The following INSC variants were observed in gnomAD, a reference collection of about 807,000 sequenced individuals.
The protein encoded by INSC is INSC spindle orientation adaptor protein, also known as protein inscuteable homolog.
A neutral mutation model predicts 58.6 loss-of-function variants in INSC; 67 were observed. That is an observed-to-expected ratio of 1.14 (90% CI 0.94 to 1.40). The LOEUF is 1.40. INSC is among the 40% of genes most tolerant of loss of function. The pLI is 0.00. For synonymous variants in INSC, 262 were observed against 276.1 expected (o/e 0.95, Z 0.51); for missense variants, 714 against 692.0 (o/e 1.03, Z -0.36).
intron 11 of INSC, 101 bp from the exon 12 acceptor site, chr11:15,240,346 C>T (rs1252689967): frequency 1.7e-5 from 17 of 1,011,654 alleles, no homozygotes; most frequent in Non-Finnish European, 2.6e-5. Flanking sequence ...GTTCAGTCCC[C>T]TTCTCTGGCA....
At chr11:15,217,950 C>T (rs535572481) in intron 7 of INSC, among the ~76,000 whole-genome samples, 192 of 152,224 alleles carry the variant, frequency 1.3e-3, no homozygotes, top group African/African-American at 4.2e-3. Context: ...AAAGTTACTA[C>T]TATCATGTCG....
chr11:15,201,033 T>A (rs975827733), intron 7 of INSC, 84 bp downstream of exon 7: 12 of 1,485,714 alleles, frequency 8.1e-6, no homozygotes, highest in African/African-American at 2.8e-5. Flanking sequence ...CATCTGTTCC[T>A]TTTCATGGAC....
At chr11:15,201,320 G>A (rs1490404672) in intron 7 of INSC, among the ~76,000 whole-genome samples, 1 of 152,260 alleles carries the variant, frequency 6.6e-6, no homozygotes, top group East Asian at 1.9e-4. Context: ...AGACGGAAGA[G>A]GATCCAGATC....
chr11:15,149,096 G>T, intron 1 of INSC, 34 bp from the exon 2 acceptor site: 1 of 1,546,250 alleles, frequency 6.5e-7, no homozygotes. Flanking sequence ...CCTCTTTTAG[G>T]ATCTCGTTGT....
At position 15,163,219 on chromosome 11, in the gene INSC, T is replaced by G. The variant is rs115587384; in HGVS notation, c.57-12522T>G. ...CTCTACTTTTTCTGATATAAAGTATTGCTCTCAGAATCTGATGATAGTGGA... is the reference window on the plus strand; with the variant it reads ...CTCTACTTTTTCTGATATAAAGTATGGCTCTCAGAATCTGATGATAGTGGA... On this transcript the variant is annotated intron_variant, in intron 2 of 12. Coordinates refer to ENST00000379556, the MANE Select transcript of INSC (RefSeq NM_001042536.3). Among the ~76,000 whole-genome samples the G allele has an allele frequency of 2.6e-3, 389 of 152,330 alleles. 2 individuals carry two copies. The highest frequency in any genetic ancestry group is 9.0e-3 in the African/African-American group (376 of 41,570).
intron 6 of INSC, among the ~76,000 whole-genome samples, chr11:15,193,603 C>T (rs573640055): frequency 7.9e-5 from 12 of 152,268 alleles, no homozygotes; most frequent in East Asian, 1.9e-4. Context: ...TCATCCATGT[C>T]GCTACAAAGG....
At chr11:15,225,061 C>T (rs571666310) in intron 8 of INSC, among the ~76,000 whole-genome samples, 1 of 152,188 alleles carries the variant, frequency 6.6e-6, no homozygotes, top group Non-Finnish European at 1.5e-5. Flanking sequence ...GGACTGAGAG[C>T]TCCTTCCGGA....
chr11:15,112,407 A>G, upstream of INSC: 1 of 1,382,306 alleles, frequency 7.2e-7, no homozygotes, highest in Non-Finnish European at 9.9e-7. Flanking sequence ...GGCAAAGGGA[A>G]AGAAGCTGTT....
the INSC span, among the ~76,000 whole-genome samples, chr11:15,256,054 G>A: frequency 6.6e-6 from 1 of 152,164 alleles, no homozygotes; most frequent in African/African-American, 2.4e-5. Context: ...TCACTTTGGT[G>A]CAAGCCATGA....
intron 5 of INSC, among the ~76,000 whole-genome samples, chr11:15,179,303 A>T (rs1849680810): frequency 6.6e-6 from 1 of 152,238 alleles, no homozygotes; most frequent in African/African-American, 2.4e-5. Flanking sequence ...AGTAAAGCAG[A>T]TTCCATAAGG....
In INSC at chr11:15,225,707, C is replaced by T. The variant is rs368477999; in HGVS notation, c.1049C>T (p.Ala350Val). ...TTCCTACTGGCCTCTGCGGCCCTTG[C>T]CAACATCACGTTCTTTGACACAATG... ...EVFLLASAAL[A>V]NITFFDTMAC... is the part of the protein sequence containing the mutation. Residue 350 changes from alanine (A) to valine (V), a missense_variant, in exon 9 of 13, where the codon GCC (alanine) becomes GTC (valine). Physicochemically the swap from Ala to Val is moderately conservative, Grantham distance 64. Coordinates refer to ENST00000379556, the MANE Select transcript of INSC (RefSeq NM_001042536.3). The T allele has an allele frequency of 9.7e-5, 156 of 1,614,130 alleles. 2 individuals are homozygous for T. The South Asian group carries it at 1.5e-3, about 16-fold the overall frequency.
intron 7 of INSC, among the ~76,000 whole-genome samples, chr11:15,202,968 A>T (rs1850652106): frequency 6.6e-6 from 1 of 152,218 alleles, no homozygotes; most frequent in South Asian, 2.1e-4. Context: ...GGAGAAAGAG[A>T]TGCTCGTAGT....
intron 4 of INSC, among the ~76,000 whole-genome samples, chr11:15,177,556 CT>C (rs1849615811): frequency 3.3e-5 from 5 of 152,314 alleles, no homozygotes; most frequent in Admixed American, 2.6e-4. Flanking sequence ...CCCACACTCA[CT>C]TTCTCATATA....
rs1308907851 is a variant in INSC, at chr11:15,246,585, T to C, written c.*545T>C. 6.5e-6 allele frequency: 1 copy of C among 152,746 alleles called. No individual in the cohort carries two copies. The highest frequency in any genetic ancestry group is 1.5e-5 in the Non-Finnish European group (1 of 68,114). 9.5% of individuals were successfully genotyped at this position (152,746 alleles called of 1,614,324 possible). ...TAGGTTCTTGCTTCCCAGGTTTCAT[T>C]CCCCAAAAACTTTTCCAACCATTAA... On this transcript the variant is annotated 3_prime_UTR_variant, in exon 13 of 13. Coordinates refer to ENST00000379556, the MANE Select transcript of INSC (RefSeq NM_001042536.3).
chr11:15,247,918 G>A (rs1217759619), downstream of INSC, among the ~76,000 whole-genome samples: 1 of 152,026 alleles, frequency 6.6e-6, no homozygotes, highest in East Asian at 1.9e-4. Flanking sequence ...AACAAATACT[G>A]TCAGCTGTTT....
intron 8 of INSC, 110 bp downstream of exon 8, chr11:15,221,758 C>T (rs1851451530): frequency 1.1e-6 from 1 of 946,288 alleles, no homozygotes; most frequent in South Asian, 1.8e-5. Flanking sequence ...CCCCAAATAT[C>T]TCCTGCATAG....
intron 4 of INSC, among the ~76,000 whole-genome samples, chr11:15,177,661 C>T (rs1849620131): frequency 6.6e-6 from 1 of 152,188 alleles, no homozygotes; most frequent in African/African-American, 2.4e-5. Context: ...TGTTTATACT[C>T]AGATATGTAC....
intron 12 of INSC, 70 bp downstream of exon 12, chr11:15,240,593 G>A (rs547681546): frequency 1.9e-5 from 25 of 1,332,244 alleles, no homozygotes; most frequent in Middle Eastern, 1.8e-4. Flanking sequence ...CAGGAGAACC[G>A]GCTGTGCTGT....
intron 6 of INSC, among the ~76,000 whole-genome samples, chr11:15,192,948 T>G (rs1356195187): frequency 1.3e-5 from 2 of 152,216 alleles, no homozygotes; most frequent in African/African-American, 4.8e-5. Flanking sequence ...ACCAATGGGA[T>G]CTCATGTAAT....
Sources: gnomAD v4.1 joint callset for allele counts (sites outside exome capture counted in the v4.1 genomes callset) on GRCh38, gnomAD v4.1.1 for gene constraint, MANE v1.5 for transcripts, NCBI Gene and HGNC (gene_info 2026-07-23, HGNC 2026-07-21) for gene names.